The following TRPM6 variants were observed in gnomAD, a reference collection of about 807,000 sequenced individuals.
The protein encoded by TRPM6 is transient receptor potential cation channel subfamily M member 6, also known as channel kinase 2.
Under a neutral mutation model 247.6 loss-of-function variants are expected in TRPM6, and 111 were observed. That is an observed-to-expected ratio of 0.45 (90% CI 0.38 to 0.52). TRPM6 has a LOEUF of 0.52. Among genes scored for constraint, TRPM6 ranks in the 20% least tolerant of loss-of-function variants. TRPM6 has a pLI of 0.00. For synonymous variants in TRPM6, 892 were observed against 853.8 expected (o/e 1.04, Z -0.78); for missense variants, 2,126 against 2,421.5 (o/e 0.88, Z 2.56).
intron 11 of TRPM6, 78 bp from the exon 12 acceptor site, chr9:74,812,511 C>G (rs897943401): frequency 1.3e-4 from 155 of 1,189,408 alleles, no homozygotes; most frequent in Non-Finnish European, 3.2e-5. Context: ...TTTTTGAACT[C>G]AAAATTACAC....
chr9:74,761,950 T>C (rs746966603), intron 26 of TRPM6, 49 bp downstream of exon 26: 2 of 1,581,068 alleles, frequency 1.3e-6, no homozygotes, highest in East Asian at 4.5e-5. Context: ...ACAAAACCAG[T>C]AGCAATGCAA....
At chr9:74,840,885 G>A (rs1183220783) in intron 4 of TRPM6, among the ~76,000 whole-genome samples, 6 of 148,958 alleles carry the variant, frequency 4.0e-5, no homozygotes, top group African/African-American at 1.2e-4. Flanking sequence ...GAAATATTTC[G>A]AACAACTGGC....
At chr9:74,747,448 G>C (rs1826087220) in intron 31 of TRPM6, among the ~76,000 whole-genome samples, 1 of 152,186 alleles carries the variant, frequency 6.6e-6, no homozygotes, top group African/African-American at 2.4e-5. Context: ...AGTAATTATA[G>C]TGGCTTTACC....
intron 6 of TRPM6, among the ~76,000 whole-genome samples, 159 bp downstream of exon 6, chr9:74,833,839 T>A (rs1448825435): frequency 6.6e-6 from 1 of 152,210 alleles, no homozygotes; most frequent in Admixed American, 6.5e-5. Flanking sequence ...GGGACTGTCA[T>A]CTTCTAAGAC....
chr9:74,852,773 G>A (rs935731137), intron 3 of TRPM6, among the ~76,000 whole-genome samples: 1 of 152,300 alleles, frequency 6.6e-6, no homozygotes, highest in Non-Finnish European at 1.5e-5. Context: ...GATTGCAGAC[G>A]GAGTCTCGCT....
intron 23 of TRPM6, among the ~76,000 whole-genome samples, chr9:74,777,503 C>T (rs926080890): frequency 2.0e-5 from 3 of 152,054 alleles, no homozygotes; most frequent in Non-Finnish European, 4.4e-5. Context: ...CACAAAGAGG[C>T]CTTTATTTAT....
Position 74,834,029 on chromosome 9 carries a change from A to G in TRPM6, c.638T>C (p.Ile213Thr). The change falls in exon 6 of 39, where the codon ATT becomes ACT. Residue 213 changes from isoleucine (I) to threonine (T), a missense_variant. By Grantham distance (89) the Ile-to-Thr change is moderately conservative (BLOSUM62 -1). This residue lies in a region of TRPM6 where 1,082 missense variants were observed against 1,307.9 expected (regional missense o/e 0.83). Coordinates refer to ENST00000360774, the MANE Select transcript of TRPM6 (RefSeq NM_017662.5). Reference sequence around the variant, plus strand: ...TCCAATAAGGTCTCTCTGGTTCTCAATGACACCCCAAGGAGGGATTCCAAC... The same window carrying G: ...TCCAATAAGGTCTCTCTGGTTCTCAGTGACACCCCAAGGAGGGATTCCAAC... ...WTVGIPPWGVIENQRDLIGKD... is the reference protein window; with the variant it reads ...WTVGIPPWGVTENQRDLIGKD... 2 of 1,614,144 alleles carry G rather than the reference A, an allele frequency of 1.2e-6. No homozygotes were observed. The highest frequency in any genetic ancestry group is 1.7e-6 in the Non-Finnish European group (2 of 1,179,984).
chr9:74,854,642 C>A (rs1830464875), intron 3 of TRPM6, among the ~76,000 whole-genome samples: 1 of 152,230 alleles, frequency 6.6e-6, no homozygotes, highest in East Asian at 1.9e-4. Context: ...ATTTGCTAAA[C>A]TGAGGGTTCC....
At chr9:74,747,253 C>T (rs551702812) in intron 31 of TRPM6, among the ~76,000 whole-genome samples, 1 of 152,230 alleles carries the variant, frequency 6.6e-6, no homozygotes, top group Admixed American at 6.5e-5. Flanking sequence ...CTATTTGTTT[C>T]CTTTGTATAG....
rs771018979 is a variant in TRPM6 at position 74,796,902 on chromosome 9, GA to G, written c.2239-10del. 9.9e-6 allele frequency: 16 copies of G among 1,610,564 alleles called. No homozygotes were observed. In the Middle Eastern group the frequency reaches 5.0e-4, roughly 50 times the overall value. ...ATAATGCTTATAATAATCTGTAAAA[GA>G]AAAAAAAGCAAAACAAAGTAGTAGG... On this transcript the variant is annotated splice_polypyrimidine_tract_variant and intron_variant, in intron 17 of 38. Coordinates refer to ENST00000360774, the MANE Select transcript of TRPM6 (RefSeq NM_017662.5).
At chr9:74,741,319 C>CTA (rs1245360524) in intron 33 of TRPM6, among the ~76,000 whole-genome samples, 9 of 151,134 alleles carry the variant, frequency 6.0e-5, no homozygotes, top group East Asian at 3.9e-4. Context: ...ACCTTTGCTT[C>CTA]TATATATATA....
At chr9:74,752,417 A>C in intron 28 of TRPM6, 49 bp from the exon 29 acceptor site, 1 of 1,060,872 alleles carries the variant, frequency 9.4e-7, no homozygotes, top group Non-Finnish European at 1.4e-6. Flanking sequence ...AATGTGTTAC[A>C]TTCAAATCAC....
intron 1 of TRPM6, among the ~76,000 whole-genome samples, chr9:74,876,435 C>T (rs1397817195): frequency 1.3e-5 from 2 of 152,174 alleles, no homozygotes; most frequent in Non-Finnish European, 2.9e-5. Context: ...CAATGCAAAA[C>T]ATTTTGTTTA....
intron 1 of TRPM6, among the ~76,000 whole-genome samples, chr9:74,885,292 G>T (rs1186107388): frequency 6.6e-6 from 1 of 152,200 alleles, no homozygotes; most frequent in East Asian, 1.9e-4. Flanking sequence ...AGTGGTAGTG[G>T]CAGGAAAACA....
At position 74,762,404 on chromosome 9, in the gene TRPM6, C is replaced by T; in HGVS notation, c.4267G>A (p.Val1423Met). 6.2e-7 allele frequency: 1 copy of T among 1,614,186 alleles called. No homozygotes were observed. Among genetic ancestry groups the T allele is most frequent in the East Asian group, 2.2e-5 (1 of 44,882 alleles). ...LLDGQDKAEQ[V>M]LPTLSCTPEP... is the part of the protein sequence containing the mutation. ...GGTGTGCAACTCAAAGTGGGTAGCA[C>T]TTGCTCTGCCTTGTCTTGTCCATCC... The change falls in exon 26 of 39, where the codon GTG becomes ATG. Residue 1423 changes from valine to methionine, a missense_variant. Transcript: ENST00000360774.
chr9:74,765,577 T>C (rs1361920321), intron 25 of TRPM6, among the ~76,000 whole-genome samples: 1 of 152,218 alleles, frequency 6.6e-6, no homozygotes, highest in Non-Finnish European at 1.5e-5. Flanking sequence ...AGAAACAGCA[T>C]GGGAAGGAAC....
At chr9:74,877,714 G>A (rs1422594423) in intron 1 of TRPM6, among the ~76,000 whole-genome samples, 1 of 152,138 alleles carries the variant, frequency 6.6e-6, no homozygotes. Context: ...AAAATGCCCT[G>A]AGGAAAGGCA....
At chr9:74,801,186 C>T (rs1828318946) in intron 16 of TRPM6, among the ~76,000 whole-genome samples, 1 of 151,296 alleles carries the variant, frequency 6.6e-6, no homozygotes, top group Non-Finnish European at 1.5e-5. Flanking sequence ...AATCCTCCCA[C>T]CTTGGTGTCC....
chr9:74,746,314 G>C (rs1826045819), intron 31 of TRPM6, among the ~76,000 whole-genome samples: 2 of 152,178 alleles, frequency 1.3e-5, no homozygotes, highest in African/African-American at 4.8e-5. Flanking sequence ...AAGATTTACT[G>C]ATAGATGGGA....
Sources: allele counts gnomAD v4.1 joint callset (sites outside exome capture counted in the v4.1 genomes callset), GRCh38; gene constraint gnomAD v4.1.1; regional missense constraint gnomAD v4.1.1; transcripts MANE v1.5; gene names NCBI Gene and HGNC (gene_info 2026-07-23, HGNC 2026-07-21).